The following XRCC5 variants were observed in gnomAD, a reference collection of about 807,000 sequenced individuals.
The protein encoded by XRCC5 is X-ray repair cross complementing 5, also known as DNA repair protein Ku80.
A neutral mutation model predicts 95.7 loss-of-function variants in XRCC5; 12 were observed. The ratio of observed to expected loss-of-function variants is 0.13; its 90% CI spans 0.08 to 0.20. The LOEUF (loss-of-function observed/expected upper bound fraction) is 0.20. Ranked by LOEUF, XRCC5 falls within the 10% of genes least tolerant of loss-of-function variation. XRCC5 has a pLI of 1.00. For synonymous variants in XRCC5, 281 were observed against 290.3 expected (o/e 0.97, Z 0.33); for missense variants, 595 against 873.9 (o/e 0.68, Z 4.02).
chr2:216,156,312 C>G, intron 14 of XRCC5: 1 of 621,718 alleles, frequency 1.6e-6, no homozygotes, highest in Non-Finnish European at 3.1e-6. Context: ...GAAGCAGAAG[C>G]AATATGATGC....
intron 18 of XRCC5, among the ~76,000 whole-genome samples, chr2:216,193,631 A>G (rs1689660440): frequency 6.6e-6 from 1 of 152,198 alleles, no homozygotes; most frequent in South Asian, 2.1e-4. Flanking sequence ...GCTTACTCAA[A>G]TCACTTTTGT....
chr2:216,163,471 G>A (rs776601444), intron 16 of XRCC5, among the ~76,000 whole-genome samples: 2 of 151,878 alleles, frequency 1.3e-5, no homozygotes, highest in African/African-American at 2.4e-5. Flanking sequence ...TGTATTTTTA[G>A]CACAGACGGG....
At chr2:216,136,262 A>AG (rs1697072133) in intron 10 of XRCC5, among the ~76,000 whole-genome samples, 1 of 151,862 alleles carries the variant, frequency 6.6e-6, no homozygotes, top group South Asian at 2.1e-4. Context: ...AGGCTGAGGC[A>AG]GGAAGATCGC....
intron 18 of XRCC5, among the ~76,000 whole-genome samples, chr2:216,194,476 T>C (rs1346962855): frequency 6.6e-6 from 1 of 152,318 alleles, no homozygotes; most frequent in Admixed American, 6.5e-5. Context: ...CAAAGTGATC[T>C]GAGATTTCTA....
chr2:216,165,014 C>CCCTA (rs2106029572), intron 16 of XRCC5, among the ~76,000 whole-genome samples: 1 of 152,210 alleles, frequency 6.6e-6, no homozygotes, highest in South Asian at 2.1e-4. Flanking sequence ...GGCAAGCGGA[C>CCCTA]CCTAGATAGC....
At chr2:216,177,266 G>A (rs564822777) in intron 16 of XRCC5, among the ~76,000 whole-genome samples, 4 of 152,284 alleles carry the variant, frequency 2.6e-5, no homozygotes, top group East Asian at 1.9e-4. Flanking sequence ...TTTCCGTGAC[G>A]TTTTGAGTAT....
intron 18 of XRCC5, 70 bp from the exon 19 acceptor site, chr2:216,194,848 GT>G: frequency 7.1e-7 from 1 of 1,409,332 alleles, no homozygotes; most frequent in Non-Finnish European, 1.0e-6. Flanking sequence ...GGGAGGAGGT[GT>G]GATGGAAACG....
intron 16 of XRCC5, among the ~76,000 whole-genome samples, chr2:216,181,129 G>T (rs1230901568): frequency 1.3e-5 from 2 of 151,980 alleles, no homozygotes; most frequent in Non-Finnish European, 2.9e-5. Flanking sequence ...TTCTTCATTG[G>T]CATTTCTGAC....
intron 1 of XRCC5, among the ~76,000 whole-genome samples, chr2:216,110,253 T>C (rs1574446802): frequency 6.6e-6 from 1 of 152,188 alleles, no homozygotes; most frequent in Non-Finnish European, 1.5e-5. Context: ...AGTGATTTTT[T>C]TTTTTCAACA....
At chr2:216,166,770 C>T (rs1157063640) in intron 16 of XRCC5, among the ~76,000 whole-genome samples, 6 of 152,086 alleles carry the variant, frequency 3.9e-5, no homozygotes, top group Non-Finnish European at 8.8e-5. Context: ...CTTCTTTCCT[C>T]CGGACAATTC....
At chr2:216,143,873 A>ATTT (rs5838569) in intron 13 of XRCC5, among the ~76,000 whole-genome samples, 1 of 145,314 alleles carries the variant, frequency 6.9e-6, no homozygotes, top group African/African-American at 2.5e-5. Flanking sequence ...CGCCCGGCTA[A>ATTT]TTTTTTTTTT....
chr2:216,136,345 A>C lies in XRCC5; in HGVS notation c.1114-743A>C, dbSNP rs528170625. Among the ~76,000 whole-genome samples the C allele has an allele frequency of 9.2e-5, 12 of 130,752 alleles. No individual in the cohort carries two copies. In the South Asian group the frequency reaches 3.1e-3, roughly 33 times the overall value. 85.8% of individuals were successfully genotyped at this position (130,752 alleles called of 152,430 possible). On this transcript the variant is annotated intron_variant, in intron 10 of 20. Transcript: ENST00000392132. The stretch of plus-strand genomic sequence containing the variant: ...CATTCCAGCCTGGGCAACAAGAGCG[A>C]AACTGTGTCTCAAAAAAAAAAAAAA...
chr2:216,178,067 G>A (rs1227191813), intron 16 of XRCC5, among the ~76,000 whole-genome samples: 5 of 152,154 alleles, frequency 3.3e-5, no homozygotes, highest in Non-Finnish European at 5.9e-5. Context: ...AACAAAGTAT[G>A]TGGTTCAGAA....
chr2:216,154,354 CAT>C (rs748280450), intron 14 of XRCC5, among the ~76,000 whole-genome samples: 5 of 152,308 alleles, frequency 3.3e-5, no homozygotes, highest in Admixed American at 1.3e-4. Flanking sequence ...ATAGCTAACT[CAT>C]AGGGTTGTTG....
intron 19 of XRCC5, among the ~76,000 whole-genome samples, chr2:216,198,998 AC>A (rs1187314226): frequency 6.6e-6 from 1 of 152,222 alleles, no homozygotes; most frequent in Non-Finnish European, 1.5e-5. Context: ...AATAGAAGAG[AC>A]ATGCTTTAGC....
rs200454347 is a variant in XRCC5, at chr2:216,141,324, G to A, written c.1476+5G>A. On this transcript the variant is annotated splice_donor_5th_base_variant and intron_variant, in intron 13 of 20. Transcript: ENST00000392132. The stretch of plus-strand genomic sequence containing the variant: ...CGATTTCAGAGATTATTTCAGGTAA[G>A]AGAAGAAGGATGAACAAGTCATATT... 82 of 1,613,918 alleles carry A rather than the reference G, an allele frequency of 5.1e-5. No homozygotes were observed. The African/African-American group carries it at 9.5e-4, about 19-fold the overall frequency.
Position 216,162,020 on chromosome 2 carries a change from G to T in XRCC5, c.1806G>T (p.Val602=), listed in dbSNP as rs758843600. 26 of 1,614,174 alleles carry T rather than the reference G, an allele frequency of 1.6e-5. No individual in the cohort carries two copies. Among genetic ancestry groups the T allele is most frequent in the Non-Finnish European group, 2.2e-5 (26 of 1,180,008 alleles). The change falls in exon 16 of 21, where the codon GTG becomes GTT. Residue 602 remains valine, a synonymous_variant. Transcript: ENST00000392132. ...VNPAENFRVL[V]KQKKASFEEA... ...CTGCTGAAAACTTCCGTGTTCTAGTGAAACAGAAGAAGGCCAGCTTTGAGG... is the reference window on the plus strand; with the variant it reads ...CTGCTGAAAACTTCCGTGTTCTAGTTAAACAGAAGAAGGCCAGCTTTGAGG...
intron 14 of XRCC5, among the ~76,000 whole-genome samples, chr2:216,153,949 T>C (rs763628794): frequency 3.9e-5 from 6 of 152,234 alleles, no homozygotes; most frequent in African/African-American, 4.8e-5. Flanking sequence ...CCTGCTCCTT[T>C]CCAACCCCTC....
At chr2:216,144,648 A>G (rs1688589738) in intron 13 of XRCC5, among the ~76,000 whole-genome samples, 1 of 152,242 alleles carries the variant, frequency 6.6e-6, no homozygotes, top group South Asian at 2.1e-4. Context: ...TAATTCATTT[A>G]TTTTCACAAG....
Sources: allele counts gnomAD v4.1 joint callset (sites outside exome capture counted in the v4.1 genomes callset), GRCh38; gene constraint gnomAD v4.1.1; transcripts MANE v1.5; gene names NCBI Gene and HGNC (gene_info 2026-07-23, HGNC 2026-07-21).